The following OTOA variants were observed in gnomAD, a reference collection of about 807,000 sequenced individuals.
The protein encoded by OTOA is cancer/testis antigen 108.
OTOA carries 70 observed loss-of-function variants against 110.8 expected under a neutral mutation model. The ratio of observed to expected loss-of-function variants is 0.63; its 90% confidence interval spans 0.52 to 0.77. OTOA has a LOEUF of 0.77. Ranked by LOEUF, OTOA falls within the 30% of genes least tolerant of loss-of-function variation. The pLI, the probability that OTOA is intolerant of heterozygous loss-of-function variation, is 0.00. For synonymous variants in OTOA, 373 were observed against 431.5 expected, an observed-to-expected ratio of 0.86 and a Z score of 1.68; for missense variants, 917 against 1,075.8, an observed-to-expected ratio of 0.85 and a Z score of 2.06.
intron 28 of OTOA, among the ~76,000 whole-genome samples, chr16:21,757,941 C>T (rs1367575509): frequency 6.6e-6 from 1 of 152,020 alleles, no homozygotes; most frequent in African/African-American, 2.4e-5. Flanking sequence ...TTAATTCAAC[C>T]CATGTTTACT....
rs78970023 is a variant in OTOA, at chr16:21,678,558, T to A, written c.44T>A (p.Phe15Tyr). 49,682 of 1,613,658 alleles carry A rather than the reference T, an allele frequency of 0.031. 4,331 individuals carry two copies. In the East Asian group the frequency reaches 0.32, roughly 10 times the overall value. ...PTTYSLFLFL[F>Y]LSHGVSSYTV... ...ACATACTCCCTTTTCCTATTCCTTT[T>A]TCTGAGCCATGGAGTGTCGAGTTAT... The change falls in exon 2 of 29, where the codon TTT (phenylalanine) becomes TAT (tyrosine). Residue 15 changes from phenylalanine to tyrosine, a missense_variant. By Grantham distance (22) the Phe-to-Tyr change is conservative (BLOSUM62 3). Coordinates refer to ENST00000646100, the MANE Select transcript of OTOA (RefSeq NM_144672.4).
intron 1 of OTOA, among the ~76,000 whole-genome samples, chr16:21,670,272 A>T (rs1966847319): frequency 1.3e-5 from 2 of 152,000 alleles, no homozygotes; most frequent in Non-Finnish European, 2.9e-5. Flanking sequence ...ATACCTCTCC[A>T]ACCCCATGTC....
At position 21,715,055 on chromosome 16, in the gene OTOA, G is replaced by A; in HGVS notation, c.1391G>A (p.Ser464Asn). The A allele has an allele frequency of 6.2e-7, 1 of 1,614,220 alleles. No homozygotes were observed. Among genetic ancestry groups the A allele is most frequent in the Non-Finnish European group, 8.5e-7 (1 of 1,180,032 alleles). The change falls in exon 14 of 29, where the codon AGC (serine) becomes AAC (asparagine). Residue 464 changes from serine to asparagine, a missense_variant. Around this residue, in one of 6 missense-constraint regions of OTOA, gnomAD observed 840 missense variants for 910.2 expected, o/e 0.92. Coordinates refer to ENST00000646100, the MANE Select transcript of OTOA (RefSeq NM_144672.4). ...LAGVSTQAFC[S>N]MKRKDISQVL... ...GGGGTCAGCACCCAGGCCTTCTGCA[G>A]CATGAAACGCAAGGACATCTCGCAG...
chr16:21,694,392 G>A (rs1332453460), intron 9 of OTOA, among the ~76,000 whole-genome samples: 1 of 152,096 alleles, frequency 6.6e-6, no homozygotes, highest in Non-Finnish European at 1.5e-5. Flanking sequence ...GCAGTGAGCC[G>A]TGATGGAGCC....
At chr16:21,669,787 C>G (rs1218994056) in intron 1 of OTOA, among the ~76,000 whole-genome samples, 1 of 152,096 alleles carries the variant, frequency 6.6e-6, no homozygotes, top group East Asian at 1.9e-4. Context: ...TTGTTCCACT[C>G]CAGGGTATTC....
intron 19 of OTOA, among the ~76,000 whole-genome samples, chr16:21,727,648 A>G (rs1334637606): frequency 6.6e-6 from 1 of 152,154 alleles, no homozygotes; most frequent in Non-Finnish European, 1.5e-5. Context: ...TGGTGCCAAT[A>G]GTATAATGGT....
At chr16:21,668,837 G>T (rs1966845454) in intron 1 of OTOA, among the ~76,000 whole-genome samples, 1 of 151,900 alleles carries the variant, frequency 6.6e-6, no homozygotes, top group Non-Finnish European at 1.5e-5. Context: ...GAGTTAATAG[G>T]TTCTCTTTCT....
intron 9 of OTOA, 92 bp from the exon 10 acceptor site, chr16:21,697,683 T>C: frequency 8.5e-7 from 1 of 1,175,720 alleles, no homozygotes; most frequent in South Asian, 1.2e-5. Context: ...GAAGTAGGTC[T>C]TGACAGCAAA....
chr16:21,693,569 A>G (rs994138093), intron 9 of OTOA, among the ~76,000 whole-genome samples: 1 of 152,092 alleles, frequency 6.6e-6, no homozygotes, highest in African/African-American at 2.4e-5. Context: ...AGATACTGGT[A>G]GCGGCTATGA....
chr16:21,666,780 C>T (rs1016156921), intron 1 of OTOA, among the ~76,000 whole-genome samples: 4 of 152,126 alleles, frequency 2.6e-5, no homozygotes, highest in African/African-American at 9.7e-5. Context: ...CTGCCCAGTC[C>T]TTTCAGTCCT....
chr16:21,685,292 G>A lies in OTOA; in HGVS notation c.330G>A (p.Leu110=). The change falls in exon 7 of 29, where the codon CTG becomes CTA. Residue 110 remains leucine (L), a synonymous_variant. Coordinates refer to ENST00000646100, the MANE Select transcript of OTOA (RefSeq NM_144672.4). ...AGCCCCAGAAGCTGCTGGAGGACCT[G>A]AGGAAGACAGACGCCCAGCAGTTCC... is the stretch of plus-strand genomic sequence containing the variant. The part of the protein sequence containing the change: ...LHQPQKLLED[L]RKTDAQQFRT... 6.2e-7 allele frequency: 1 copy of A among 1,613,206 alleles called. No homozygotes were observed.
intron 14 of OTOA, among the ~76,000 whole-genome samples, chr16:21,715,770 G>A (rs989022419): frequency 5.3e-5 from 8 of 151,684 alleles, no homozygotes; most frequent in Non-Finnish European, 7.4e-5. Flanking sequence ...CTTCTGCTTC[G>A]GCCTCCCAAA....
Position 21,726,624 on chromosome 16 carries a change from A to T in OTOA, c.1982A>T (p.Lys661Met). The change falls in exon 19 of 29, where the codon AAG (lysine) becomes ATG (methionine). Residue 661 changes from lysine to methionine, a missense_variant. This residue lies in a region of OTOA where 840 missense variants were observed against 910.2 expected (regional missense o/e 0.92). Transcript: ENST00000646100. Reference sequence around the variant, plus strand: ...TCCTTGGTTTTAGATTCCCACAAAAAGACTTCAGTCCTCAGGAAAGTGCAG... The same window carrying T: ...TCCTTGGTTTTAGATTCCCACAAAATGACTTCAGTCCTCAGGAAAGTGCAG... ...LDSLVLDSHKKTSVLRKVQQC... is the reference protein window; with the variant it reads ...LDSLVLDSHKMTSVLRKVQQC... 1 of 1,614,072 alleles carries T rather than the reference A, an allele frequency of 6.2e-7. No individual in the cohort carries two copies.
intron 11 of OTOA, 107 bp downstream of exon 11, chr16:21,701,134 C>A: frequency 6.5e-7 from 1 of 1,529,548 alleles, no homozygotes. Context: ...GGTGGCTGGT[C>A]CATCTCTTTG....
In OTOA at chr16:21,676,497, A is replaced by G. The variant is rs560808649; in HGVS notation, c.-4-2014A>G. On this transcript the variant is annotated intron_variant, in intron 1 of 28. Coordinates refer to ENST00000646100, the MANE Select transcript of OTOA (RefSeq NM_144672.4). The stretch of plus-strand genomic sequence containing the variant: ...TCATGGAGGCAATTGTTCTTTGATG[A>G]TTGACCCTGATGCCCAATGTGTTTG... Among the ~76,000 whole-genome samples the G allele has an allele frequency of 5.3e-5, 8 of 152,192 alleles. No homozygotes were observed. The South Asian group carries it at 1.7e-3, about 32-fold the overall frequency.
At position 21,722,154 on chromosome 16, in the gene OTOA, C is replaced by T. The variant is rs370672521; in HGVS notation, c.1807-751C>T. Among the ~76,000 whole-genome samples the T allele has an allele frequency of 4.7e-5, 7 of 148,078 alleles. No individual in the cohort carries two copies. In the South Asian group the frequency reaches 8.6e-4, roughly 18 times the overall value. ...GGGGGTGCCTGTAATCCTAGCTACT[C>T]GGGAGGCTGACGCAGGAGAACTGCT... On this transcript the variant is annotated intron_variant, in intron 17 of 28. Transcript: ENST00000646100.
chr16:21,723,108 G>C, intron 18 of OTOA, 130 bp downstream of exon 18: 1 of 865,000 alleles, frequency 1.2e-6, no homozygotes, highest in South Asian at 1.4e-5. Context: ...GCCTTAGAGA[G>C]TTAAGCCCTT....
chr16:21,703,852 A>G lies in OTOA; in HGVS notation c.981-1317A>G, dbSNP rs75666254. 2.5e-4 allele frequency among the ~76,000 whole-genome samples: 38 copies of G among 152,292 alleles called. No homozygotes were observed. The East Asian group carries it at 6.6e-3, about 26-fold the overall frequency. On this transcript the variant is annotated intron_variant, in intron 11 of 28. Coordinates refer to ENST00000646100, the MANE Select transcript of OTOA (RefSeq NM_144672.4). ...CCAGGATGTATGCAAATCAGTTGGT[A>G]TACCACTTCTCATTTAACTTTCACA...
chr16:21,720,534 C>G (rs1898697216), intron 17 of OTOA, among the ~76,000 whole-genome samples: 1 of 152,164 alleles, frequency 6.6e-6, no homozygotes, highest in Non-Finnish European at 1.5e-5. Context: ...ACTGTTAATT[C>G]TGTTAGTGAT....
Sources: gnomAD v4.1 joint callset for allele counts (sites outside exome capture counted in the v4.1 genomes callset) on GRCh38, gnomAD v4.1.1 for gene constraint, gnomAD v4.1.1 regional missense constraint, MANE v1.5 for transcripts, NCBI Gene and HGNC (gene_info 2026-07-23, HGNC 2026-07-21) for gene names.